The following HSF5 variants were observed in gnomAD, a reference collection of about 807,000 sequenced individuals.
HSF5 encodes the protein heat shock factor protein 5.
Under a neutral mutation model 50.8 loss-of-function variants are expected in HSF5, and 5 were observed. That is an observed-to-expected ratio of 0.10 (90% confidence interval 0.05 to 0.21). HSF5 has a LOEUF of 0.21. HSF5 is among the 10% of genes least tolerant of loss of function. The probability of loss-of-function intolerance (pLI) is 1.00; values close to 1 mark genes in which losing one functional copy is unlikely to be tolerated. For missense variants in HSF5, 564 were observed against 762.6 expected, an observed-to-expected ratio of 0.74 and a Z score of 3.07; for synonymous variants, 307 against 307.4, an observed-to-expected ratio of 1.00 and a Z score of 0.02.
intron 5 of HSF5, among the ~76,000 whole-genome samples, chr17:58,422,986 G>A (rs1974246709): frequency 6.6e-6 from 1 of 152,158 alleles, no homozygotes; most frequent in East Asian, 1.9e-4. Flanking sequence ...GTGAGCCACG[G>A]TGCCTGGCCT....
intron 1 of HSF5, among the ~76,000 whole-genome samples, chr17:58,487,360 G>A (rs1975199625): frequency 6.6e-6 from 1 of 152,230 alleles, no homozygotes; most frequent in African/African-American, 2.4e-5. Flanking sequence ...CATGTTTACA[G>A]TGGACAGTGT....
chr17:58,478,430 T>C (rs1366656891), intron 2 of HSF5, among the ~76,000 whole-genome samples: 2 of 145,136 alleles, frequency 1.4e-5, no homozygotes, highest in Admixed American at 1.4e-4. Flanking sequence ...TGAGCCGAGA[T>C]TGCACTACTG....
chr17:58,456,049 C>T (rs1157838820), intron 5 of HSF5, among the ~76,000 whole-genome samples: 1 of 151,942 alleles, frequency 6.6e-6, no homozygotes, highest in Non-Finnish European at 1.5e-5. Context: ...TACCACAGCA[C>T]TATTTACAAT....
intron 4 of HSF5, among the ~76,000 whole-genome samples, chr17:58,461,627 T>C (rs1215738439): frequency 6.6e-6 from 1 of 152,204 alleles, no homozygotes; most frequent in Non-Finnish European, 1.5e-5. Flanking sequence ...ATCCCAGCAC[T>C]GTGGGAGGCC....
chr17:58,434,015 T>C (rs940741900), intron 5 of HSF5, among the ~76,000 whole-genome samples: 8 of 145,914 alleles, frequency 5.5e-5, no homozygotes, highest in African/African-American at 1.8e-4. Context: ...CCGGATTCAA[T>C]TGATTCTCCT....
chr17:58,442,939 G>A (rs569660172), intron 5 of HSF5, among the ~76,000 whole-genome samples: 6 of 148,868 alleles, frequency 4.0e-5, no homozygotes, highest in East Asian at 2.0e-4. Flanking sequence ...ACAGAGTTTC[G>A]CTCTGTTGCC....
chr17:58,434,259 C>T (rs1974398470), intron 5 of HSF5, among the ~76,000 whole-genome samples: 1 of 151,978 alleles, frequency 6.6e-6, no homozygotes, highest in South Asian at 2.1e-4. Flanking sequence ...TGTTTGCATG[C>T]TGATGGGAAT....
intron 2 of HSF5, among the ~76,000 whole-genome samples, chr17:58,469,366 T>C (rs1252218335): frequency 6.6e-6 from 1 of 152,204 alleles, no homozygotes; most frequent in African/African-American, 2.4e-5. Flanking sequence ...ACAGAGAATA[T>C]GTTAATATAT....
chr17:58,430,334 A>G (rs1974346999), intron 5 of HSF5, among the ~76,000 whole-genome samples: 3 of 152,154 alleles, frequency 2.0e-5, no homozygotes, highest in Non-Finnish European at 4.4e-5. Context: ...AGCCTCCCAA[A>G]GTACTAGGAT....
intron 5 of HSF5, among the ~76,000 whole-genome samples, chr17:58,444,604 G>A (rs1318361866): frequency 3.3e-5 from 5 of 152,172 alleles, no homozygotes; most frequent in Admixed American, 3.3e-4. Flanking sequence ...AGACCTAAAT[G>A]TAAGACTTAA....
At chr17:58,424,607 G>A (rs770279427) in intron 5 of HSF5, among the ~76,000 whole-genome samples, 80 of 140,266 alleles carry the variant, frequency 5.7e-4, no homozygotes, top group Middle Eastern at 4.3e-3. Context: ...GTGAGACTCC[G>A]TCTCAAAAAA....
In HSF5 at chr17:58,480,228, C is replaced by T. The variant is rs1975078973; in HGVS notation, c.590G>A (p.Arg197Gln). 2.5e-6 allele frequency: 4 copies of T among 1,612,130 alleles called. No individual in the cohort carries two copies. Among genetic ancestry groups the T allele is most frequent in the African/African-American group, 1.3e-5 (1 of 74,850 alleles). Residue 197 changes from arginine to glutamine, a missense_variant, in exon 2 of 6, where the codon CGA becomes CAA. Coordinates refer to ENST00000323777, the MANE Select transcript of HSF5 (RefSeq NM_001080439.3). Reference sequence around the variant, plus strand: ...ACAGGAGTAAGGAGACAAACTATCTCGACGAAATGACCGGTGAAATTGTCC... The same window carrying T: ...ACAGGAGTAAGGAGACAAACTATCTTGACGAAATGACCGGTGAAATTGTCC... ...AVGQFHRSFR[R>Q]DSLSPYSCVS...
intron 5 of HSF5, among the ~76,000 whole-genome samples, chr17:58,456,877 C>T (rs1275524705): frequency 1.3e-5 from 2 of 152,154 alleles, no homozygotes; most frequent in African/African-American, 4.8e-5. Flanking sequence ...AATCCCAGCA[C>T]TTTGAGAGGT....
At position 58,478,768 on chromosome 17, in the gene HSF5, C is replaced by A. The variant is rs1488139345; in HGVS notation, c.925+1125G>T. Among the ~76,000 whole-genome samples, 5 of 148,072 alleles carry A rather than the reference C, an allele frequency of 3.4e-5. 1 individual carries two copies. On this transcript the variant is annotated intron_variant, in intron 2 of 5. Coordinates refer to ENST00000323777, the MANE Select transcript of HSF5 (RefSeq NM_001080439.3). Reference sequence around the variant, plus strand: ...ATCCCAGCTACTCAGGAGGCTGAGGCAGGAGAATTGCTTGAACCCAGGAGG... The same window carrying A: ...ATCCCAGCTACTCAGGAGGCTGAGGAAGGAGAATTGCTTGAACCCAGGAGG...
At chr17:58,451,174 G>A (rs889080838) in intron 5 of HSF5, among the ~76,000 whole-genome samples, 1 of 152,148 alleles carries the variant, frequency 6.6e-6, no homozygotes, top group Non-Finnish European at 1.5e-5. Flanking sequence ...CAACACTGGA[G>A]CACCTAAATA....
chr17:58,423,370 A>C (rs1974250380), intron 5 of HSF5, among the ~76,000 whole-genome samples: 1 of 152,154 alleles, frequency 6.6e-6, no homozygotes, highest in South Asian at 2.1e-4. Context: ...CCATGTGTAG[A>C]AGTTGAGCTA....
At chr17:58,428,274 T>C (rs1011545816) in intron 5 of HSF5, among the ~76,000 whole-genome samples, 3 of 152,218 alleles carry the variant, frequency 2.0e-5, no homozygotes, top group Admixed American at 2.0e-4. Context: ...ATTGTTATTA[T>C]AGTTCTCAAA....
intron 4 of HSF5, among the ~76,000 whole-genome samples, chr17:58,459,316 G>C (rs1974758738): frequency 6.6e-6 from 1 of 151,900 alleles, no homozygotes; most frequent in Non-Finnish European, 1.5e-5. Flanking sequence ...TGATCCTCCT[G>C]AGCAGCTAGG....
At chr17:58,428,302 A>G (rs1456031971) in intron 5 of HSF5, among the ~76,000 whole-genome samples, 1 of 152,206 alleles carries the variant, frequency 6.6e-6, no homozygotes, top group Non-Finnish European at 1.5e-5. Flanking sequence ...ATTTTCTCCA[A>G]AGAAGATATA....
Sources: allele counts gnomAD v4.1 joint callset (sites outside exome capture counted in the v4.1 genomes callset), GRCh38; gene constraint gnomAD v4.1.1; transcripts MANE v1.5; gene names NCBI Gene and HGNC (gene_info 2026-07-23, HGNC 2026-07-21).